PLD5: variants seen among roughly 807,000 people sequenced by gnomAD.
PLD5 encodes the protein inactive phospholipase D5.
In PLD5, 36 loss-of-function variants were observed where a neutral mutation model predicts 61.1. The ratio of observed to expected loss-of-function variants is 0.59; its 90% CI spans 0.45 to 0.78. PLD5 has a LOEUF of 0.78. Ranked by LOEUF, PLD5 falls within the 30% of genes least tolerant of loss-of-function variation. The pLI is 0.00. For missense variants in PLD5, 515 were observed against 644.4 expected, an observed-to-expected ratio of 0.80 and a Z score of 2.17; for synonymous variants, 243 against 242.8, an observed-to-expected ratio of 1.00 and a Z score of -0.01.
At chr1:242,305,782 G>C (rs1260491553) in intron 2 of PLD5, among the ~76,000 whole-genome samples, 3 of 152,136 alleles carry the variant, frequency 2.0e-5, no homozygotes, top group African/African-American at 7.2e-5. Context: ...GGATGGTCTC[G>C]ATCTCTTGAT....
At chr1:242,374,931 A>AT (rs1381221267) in intron 1 of PLD5, among the ~76,000 whole-genome samples, 1 of 152,066 alleles carries the variant, frequency 6.6e-6, no homozygotes, top group Admixed American at 6.6e-5. Context: ...TTGTGAGTTG[A>AT]TTTTTTTCAG....
At chr1:242,198,342 C>A (rs547774370) in intron 5 of PLD5, among the ~76,000 whole-genome samples, 1 of 152,170 alleles carries the variant, frequency 6.6e-6, no homozygotes, top group Non-Finnish European at 1.5e-5. Flanking sequence ...TTAAATGGCA[C>A]GAAATGCTTT....
At chr1:242,242,035 A>G (rs1672087889) in intron 4 of PLD5, among the ~76,000 whole-genome samples, 1 of 147,886 alleles carries the variant, frequency 6.8e-6, no homozygotes, top group Admixed American at 6.8e-5. Flanking sequence ...ACACACACAC[A>G]CACACACACA....
intron 1 of PLD5, among the ~76,000 whole-genome samples, chr1:242,352,589 T>C (rs1276823333): frequency 6.6e-6 from 1 of 152,196 alleles, no homozygotes; most frequent in Non-Finnish European, 1.5e-5. Context: ...CTAGATCATA[T>C]GGCAAATCTA....
At chr1:242,158,982 T>G (rs1033976191) in intron 5 of PLD5, among the ~76,000 whole-genome samples, 3 of 152,212 alleles carry the variant, frequency 2.0e-5, no homozygotes, top group African/African-American at 7.2e-5. Context: ...AGTTTTAGCA[T>G]GTTATCCACC....
At chr1:242,292,042 G>A (rs2149143313) in intron 2 of PLD5, among the ~76,000 whole-genome samples, 1 of 152,202 alleles carries the variant, frequency 6.6e-6, no homozygotes, top group East Asian at 1.9e-4. Flanking sequence ...GGAAGCCAAG[G>A]GGAGAGAGAG....
chr1:242,240,550 T>A (rs1043348658), intron 4 of PLD5, among the ~76,000 whole-genome samples: 1 of 151,888 alleles, frequency 6.6e-6, no homozygotes, highest in African/African-American at 2.4e-5. Context: ...CCTGAGGGAG[T>A]TTTTTTCCCT....
rs545125938 is a variant in PLD5 at position 242,207,209 on chromosome 1, C to T, written c.735+12779G>A. On this transcript the variant is annotated intron_variant, in intron 5 of 9. Transcript: ENST00000536534. The stretch of plus-strand genomic sequence containing the variant: ...TTGACCAAACAACTGGGCACCGGAG[C>T]CCAGCCAAGTTGACTCATTAAATTA... Among the ~76,000 whole-genome samples, 299 of 152,284 alleles carry T rather than the reference C, an allele frequency of 2.0e-3. 2 individuals carry two copies. The highest frequency in any genetic ancestry group is 7.0e-3 in the African/African-American group (291 of 41,570).
intron 3 of PLD5, among the ~76,000 whole-genome samples, chr1:242,277,855 C>T (rs979721516): frequency 2.0e-5 from 3 of 152,082 alleles, no homozygotes; most frequent in African/African-American, 4.8e-5. Context: ...TGGTGGTGCA[C>T]ACCTGTACTC....
At chr1:242,271,497 A>T (rs1674080884) in intron 3 of PLD5, among the ~76,000 whole-genome samples, 1 of 152,206 alleles carries the variant, frequency 6.6e-6, no homozygotes, top group African/African-American at 2.4e-5. Flanking sequence ...TCACCAAAAC[A>T]ATAGTTACCC....
chr1:242,451,816 T>C (rs565236136), intron 1 of PLD5, among the ~76,000 whole-genome samples: 41 of 152,158 alleles, frequency 2.7e-4, no homozygotes, highest in Admixed American at 7.2e-4. Flanking sequence ...CTACTCTCCA[T>C]GGTATTTAAG....
intron 1 of PLD5, among the ~76,000 whole-genome samples, chr1:242,494,068 C>T (rs1344924018): frequency 5.6e-5 from 2 of 36,028 alleles, no homozygotes; most frequent in African/African-American, 7.9e-5. Context: ...TCCCTTCCCT[C>T]CACTCCCCTC....
chr1:242,449,233 T>C lies in PLD5; in HGVS notation c.189+74855A>G, dbSNP rs78726803. 4.0e-5 allele frequency: 50 copies of C among 1,262,206 alleles called. No homozygotes were observed. The East Asian group carries it at 1.2e-3, about 31-fold the overall frequency. The allele number at this position is 1,262,206 out of a possible 1,614,324, so 78.2% of individuals were successfully genotyped here. On this transcript the variant is annotated intron_variant, in intron 1 of 9. Transcript: ENST00000536534. Reference sequence around the variant, plus strand: ...TGCCCTTCTCATAAAAAAAGGACAGTGCCTCAGAGCTCAAGTGACTGTTCA... The same window carrying C: ...TGCCCTTCTCATAAAAAAAGGACAGCGCCTCAGAGCTCAAGTGACTGTTCA...
intron 1 of PLD5, among the ~76,000 whole-genome samples, chr1:242,476,394 A>G (rs1262866225): frequency 2.0e-5 from 3 of 151,906 alleles, no homozygotes; most frequent in Non-Finnish European, 4.4e-5. Context: ...ACCCCCCCAA[A>G]TGGAGCGTTT....
intron 5 of PLD5, among the ~76,000 whole-genome samples, chr1:242,154,884 CT>C (rs1231194658): frequency 6.6e-5 from 10 of 152,112 alleles, no homozygotes; most frequent in Middle Eastern, 3.2e-3. Context: ...AGGATTCCCT[CT>C]TTTTCTACTG....
chr1:242,507,256 T>G (rs1485950809), intron 1 of PLD5, among the ~76,000 whole-genome samples: 1 of 152,230 alleles, frequency 6.6e-6, no homozygotes, highest in Non-Finnish European at 1.5e-5. Context: ...TTAATGTATT[T>G]GGTCTAAATT....
At chr1:242,286,414 A>G (rs145750753) in intron 3 of PLD5, among the ~76,000 whole-genome samples, 2,555 of 152,274 alleles carry the variant, frequency 0.017, 26 homozygotes, top group Non-Finnish European at 0.025. Flanking sequence ...GTGGGCAGCA[A>G]ACCATAAAGA....
intron 1 of PLD5, among the ~76,000 whole-genome samples, chr1:242,417,942 C>T (rs555440940): frequency 5.9e-5 from 9 of 152,216 alleles, no homozygotes; most frequent in African/African-American, 1.9e-4. Context: ...GAAGAACCAC[C>T]AGCTAAGAGT....
upstream of PLD5, among the ~76,000 whole-genome samples, chr1:242,527,048 A>G (rs1461023038): frequency 7.0e-6 from 1 of 143,472 alleles, no homozygotes; most frequent in Non-Finnish European, 1.5e-5. Context: ...AAGTAAATAG[A>G]TTTTTTTTAA....
Sources: gnomAD v4.1 joint callset for allele counts (sites outside exome capture counted in the v4.1 genomes callset) on GRCh38, gnomAD v4.1.1 for gene constraint, MANE v1.5 for transcripts, NCBI Gene and HGNC (gene_info 2026-07-23, HGNC 2026-07-21) for gene names.